The following FAXC variants were observed in gnomAD, a reference collection of about 807,000 sequenced individuals.
The protein encoded by FAXC is failed axon connections homolog, metaxin like GST domain containing.
FAXC carries 10 observed loss-of-function variants against 41.9 expected under a neutral mutation model. That is an observed-to-expected ratio of 0.24 (90% CI 0.15 to 0.41). FAXC has a LOEUF of 0.41. Among genes scored for constraint, FAXC ranks in the 10% least tolerant of loss-of-function variants. FAXC has a pLI of 1.00. For synonymous variants in FAXC, 183 were observed against 183.8 expected, an observed-to-expected ratio of 1.00 and a Z score of 0.03; for missense variants, 399 against 510.9, an observed-to-expected ratio of 0.78 and a Z score of 2.11.
intron 2 of FAXC, among the ~76,000 whole-genome samples, chr6:99,335,791 A>T (rs1030016366): frequency 6.6e-6 from 1 of 152,166 alleles, no homozygotes; most frequent in African/African-American, 2.4e-5. Context: ...TATTTCTAAC[A>T]ATTTTGGTAT....
chr6:99,309,001 AATTCCTCCTGAATTGT>A (rs1772048339), intron 4 of FAXC, among the ~76,000 whole-genome samples: 1 of 152,196 alleles, frequency 6.6e-6, no homozygotes, highest in African/African-American at 2.4e-5. Context: ...ACTTATCTGT[AATTCCTCCTGAATTGT>A]ATCCAGGCAA....
At chr6:99,340,158 G>A (rs982692022) in intron 2 of FAXC, among the ~76,000 whole-genome samples, 11 of 152,088 alleles carry the variant, frequency 7.2e-5, no homozygotes, top group African/African-American at 2.7e-4. Flanking sequence ...AGAGTGCAGT[G>A]GCGTGATCTC....
intron 3 of FAXC, among the ~76,000 whole-genome samples, chr6:99,329,201 A>T (rs1772937012): frequency 2.6e-5 from 4 of 152,202 alleles, no homozygotes; most frequent in Non-Finnish European, 5.9e-5. Context: ...TGAAATACTA[A>T]TTTTCCTTAT....
rs141458673 is a variant in FAXC, at chr6:99,336,963, T to C, written c.403-3416A>G. On this transcript the variant is annotated intron_variant, in intron 2 of 5. Coordinates refer to ENST00000389677, the MANE Select transcript of FAXC (RefSeq NM_032511.4). ...TGGAGTCATCTTCCACTGGCTAAAT[T>C]TGAAATAATTTGAGCAGTCTGTGTG... Among the ~76,000 whole-genome samples the C allele has an allele frequency of 3.0e-3, 456 of 152,254 alleles. 1 individual carries two copies. The highest frequency in any genetic ancestry group is 5.6e-3 in the Non-Finnish European group (379 of 68,018).
chr6:99,288,787 C>G (rs1040973517), intron 5 of FAXC, among the ~76,000 whole-genome samples: 5 of 151,750 alleles, frequency 3.3e-5, no homozygotes, highest in Non-Finnish European at 2.9e-5. Context: ...ATAAGAGGAT[C>G]TGGAGAGTGA....
At chr6:99,327,155 A>G (rs1393483028) in intron 3 of FAXC, among the ~76,000 whole-genome samples, 2 of 152,142 alleles carry the variant, frequency 1.3e-5, no homozygotes. Context: ...GCTCAATATT[A>G]TCGACCAGTG....
intron 1 of FAXC, 74 bp from the exon 2 acceptor site, chr6:99,343,107 A>C: frequency 2.9e-6 from 4 of 1,392,294 alleles, no homozygotes; most frequent in Non-Finnish European, 2.9e-6. Flanking sequence ...TCTTGAGAGG[A>C]CCCTGCAGGG....
At chr6:99,318,976 T>G (rs1416926591) in intron 4 of FAXC, among the ~76,000 whole-genome samples, 1 of 152,216 alleles carries the variant, frequency 6.6e-6, no homozygotes, top group Non-Finnish European at 1.5e-5. Flanking sequence ...CATTCTTTTT[T>G]GGGAGTGTTC....
intron 4 of FAXC, among the ~76,000 whole-genome samples, chr6:99,321,369 A>T (rs1339092464): frequency 6.6e-6 from 1 of 152,250 alleles, no homozygotes; most frequent in Admixed American, 6.5e-5. Flanking sequence ...GGCATCAAAA[A>T]TGAGCCACAT....
Position 99,333,551 on chromosome 6 carries a change from A to T in FAXC, c.403-4T>A, listed in dbSNP as rs1167938924. The T allele has an allele frequency of 6.3e-7, 1 of 1,583,112 alleles. No individual in the cohort carries two copies. Among genetic ancestry groups the T allele is most frequent in the Admixed American group, 1.9e-5 (1 of 51,898 alleles). On this transcript the variant is annotated splice_region_variant and splice_polypyrimidine_tract_variant and intron_variant, in intron 2 of 5. Transcript: ENST00000389677. ...AGAGTTTTCCACCAAAATAGTTCTA[A>T]GCAGAGTACATTTTTAAAAAGAGAA...
chr6:99,305,357 G>A (rs772703319), intron 4 of FAXC, among the ~76,000 whole-genome samples: 1 of 152,130 alleles, frequency 6.6e-6, no homozygotes, highest in Non-Finnish European at 1.5e-5. Context: ...TGAGCACCCC[G>A]GTGATGAATT....
chr6:99,327,970 A>G (rs1487381819), intron 3 of FAXC, among the ~76,000 whole-genome samples: 1 of 152,196 alleles, frequency 6.6e-6, no homozygotes, highest in African/African-American at 2.4e-5. Flanking sequence ...TTCAGAAATG[A>G]TTTGCTCCAA....
intron 4 of FAXC, among the ~76,000 whole-genome samples, chr6:99,309,605 A>C (rs978682252): frequency 2.0e-5 from 3 of 152,336 alleles, no homozygotes; most frequent in Non-Finnish European, 4.4e-5. Flanking sequence ...ATCCCCAGCT[A>C]TTGAAAGATA....
intron 4 of FAXC, among the ~76,000 whole-genome samples, chr6:99,308,826 G>A (rs1772039552): frequency 6.6e-6 from 1 of 152,132 alleles, no homozygotes; most frequent in Non-Finnish European, 1.5e-5. Context: ...ATAGGAAATA[G>A]TTACTGAGTT....
intron 3 of FAXC, among the ~76,000 whole-genome samples, chr6:99,331,867 T>C (rs1773038618): frequency 6.6e-6 from 1 of 152,240 alleles, no homozygotes; most frequent in Non-Finnish European, 1.5e-5. Flanking sequence ...GCTAAGTTTT[T>C]CCTGGAAGCT....
chr6:99,315,260 AAAC>A (rs58883298), intron 4 of FAXC, among the ~76,000 whole-genome samples: 13,091 of 57,268 alleles, frequency 0.23, 3,864 homozygotes, highest in South Asian at 0.38. Context: ...AAAAAAAAAA[AAAC>A]CAGTAAATGT....
At chr6:99,318,225 C>A (rs1247429302) in intron 4 of FAXC, among the ~76,000 whole-genome samples, 2 of 150,600 alleles carry the variant, frequency 1.3e-5, no homozygotes, top group Non-Finnish European at 3.0e-5. Flanking sequence ...CGCCACTGCA[C>A]TCCAGCCTGG....
intron 4 of FAXC, among the ~76,000 whole-genome samples, chr6:99,298,917 C>A (rs577411769): frequency 6.6e-6 from 1 of 152,266 alleles, no homozygotes; most frequent in Non-Finnish European, 1.5e-5. Context: ...ACCAGATACT[C>A]CCCATCCCCA....
intron 5 of FAXC, among the ~76,000 whole-genome samples, chr6:99,284,657 A>G (rs745867879): frequency 6.6e-6 from 1 of 151,734 alleles, no homozygotes; most frequent in Non-Finnish European, 1.5e-5. Flanking sequence ...TCATGCCTGT[A>G]ATCTCAGCAC....
Sources: gnomAD v4.1 joint callset for allele counts (sites outside exome capture counted in the v4.1 genomes callset) on GRCh38, gnomAD v4.1.1 for gene constraint, MANE v1.5 for transcripts, NCBI Gene and HGNC (gene_info 2026-07-23, HGNC 2026-07-21) for gene names.